Variants in MTMR3 observed in about 807,000 individuals in gnomAD.
MTMR3 encodes the protein phosphatidylinositol-3,5-bisphosphate 3-phosphatase MTMR3.
In MTMR3, 32 loss-of-function variants were observed where a neutral mutation model predicts 132.4. The ratio of observed to expected loss-of-function variants is 0.24; its 90% confidence interval spans 0.18 to 0.32. The LOEUF (loss-of-function observed/expected upper bound fraction) is 0.32. Ranked by LOEUF, MTMR3 falls within the 10% of genes least tolerant of loss-of-function variation. The pLI, the probability that MTMR3 is intolerant of heterozygous loss-of-function variation, is 1.00. For synonymous variants in MTMR3, 556 were observed against 550.3 expected (o/e 1.01, Z -0.14); for missense variants, 1,216 against 1,489.6 (o/e 0.82, Z 3.02).
intron 5 of MTMR3, chr22:29,979,752 C>T (rs2066703112): frequency 6.6e-6 from 1 of 152,440 alleles, no homozygotes; most frequent in Non-Finnish European, 1.5e-5. Flanking sequence ...AGATGAGATG[C>T]ACTTTGAGCT....
intron 1 of MTMR3, among the ~76,000 whole-genome samples, chr22:29,913,997 A>G (rs958230357): frequency 1.3e-5 from 2 of 151,990 alleles, no homozygotes; most frequent in African/African-American, 2.4e-5. Flanking sequence ...TGATCCGCCC[A>G]CCTCAACCTC....
rs548008800 is a variant in MTMR3 at position 29,935,115 on chromosome 22, A to C, written c.-137-21921A>C. On this transcript the variant is annotated intron_variant, in intron 1 of 19. Coordinates refer to ENST00000401950, the MANE Select transcript of MTMR3 (RefSeq NM_021090.4). ...TGTACATTAGTTTGTTCTTTGATAA[A>C]CCCATGAGATTGTTTTGTCAGGGGA... Among the ~76,000 whole-genome samples, 9 of 152,240 alleles carry C rather than the reference A, an allele frequency of 5.9e-5. 1 individual carries two copies. In the South Asian group the frequency reaches 1.9e-3, roughly 32 times the overall value.
chr22:29,925,033 AATTT>A (rs1569006845), intron 1 of MTMR3, among the ~76,000 whole-genome samples: 1 of 152,018 alleles, frequency 6.6e-6, no homozygotes, highest in Non-Finnish European at 1.5e-5. Context: ...TTCCCCTTTA[AATTT>A]ATTTTATTTT....
intron 7 of MTMR3, chr22:29,994,892 G>A (rs984645518): frequency 2.0e-5 from 3 of 152,236 alleles, no homozygotes; most frequent in African/African-American, 7.2e-5. Context: ...ACCTGCAGAA[G>A]CCTTTGCCAA....
Position 30,008,990 on chromosome 22 carries a change from G to C in MTMR3, c.1010-28G>C, listed in dbSNP as rs1385903322. The C allele has an allele frequency of 2.0e-6, 3 of 1,497,254 alleles. No individual in the cohort carries two copies. The East Asian group carries it at 6.8e-5, about 34-fold the overall frequency. 92.7% of individuals were successfully genotyped at this position (1,497,254 alleles called of 1,614,324 possible). On this transcript the variant is annotated intron_variant, in intron 11 of 19. Transcript: ENST00000401950. ...TGTGGGCTTTAAGTTCAACGTATTT[G>C]TGTTCTCTTTATTGTTACTCTCTCC...
chr22:29,942,519 C>T lies in MTMR3; in HGVS notation c.-137-14517C>T, dbSNP rs191913193. ...ACTGGTCTGACCAAAATTTATTAGGCGGGAATTTCCTCTTCCTAATAAGCC... is the reference window on the plus strand; with the variant it reads ...ACTGGTCTGACCAAAATTTATTAGGTGGGAATTTCCTCTTCCTAATAAGCC... On this transcript the variant is annotated intron_variant, in intron 1 of 19. Transcript: ENST00000401950. Among the ~76,000 whole-genome samples the T allele has an allele frequency of 4.5e-3, 686 of 152,210 alleles. 6 individuals carry two copies. The highest frequency in any genetic ancestry group is 0.015 in the African/African-American group (643 of 41,530).
At chr22:29,940,456 C>G (rs1351790916) in intron 1 of MTMR3, among the ~76,000 whole-genome samples, 2 of 150,004 alleles carry the variant, frequency 1.3e-5, no homozygotes, top group Non-Finnish European at 2.9e-5. Context: ...CCAGGTGAAA[C>G]AAACAGCCTT....
intron 1 of MTMR3, among the ~76,000 whole-genome samples, chr22:29,899,269 T>C (rs2064960992): frequency 6.6e-6 from 1 of 152,152 alleles, no homozygotes; most frequent in African/African-American, 2.4e-5. Flanking sequence ...CCCCTGCTGG[T>C]CTTGAACTCC....
chr22:29,913,725 G>GT (rs1569001650), intron 1 of MTMR3, among the ~76,000 whole-genome samples: 19 of 146,724 alleles, frequency 1.3e-4, no homozygotes, highest in South Asian at 6.9e-4. Context: ...TGGATATTGG[G>GT]GTTTTTTTTT....
intron 8 of MTMR3, chr22:30,002,085 A>G (rs983351425): frequency 2.0e-4 from 30 of 152,292 alleles, no homozygotes; most frequent in African/African-American, 5.8e-4. Flanking sequence ...CCAGAGAGAG[A>G]CATTGTCCTG....
chr22:29,899,059 T>C (rs1418067558), intron 1 of MTMR3, among the ~76,000 whole-genome samples: 2 of 152,200 alleles, frequency 1.3e-5, no homozygotes, highest in African/African-American at 4.8e-5. Context: ...TTTGTTTTAC[T>C]TGAGTTAATT....
In MTMR3 at chr22:29,973,718, G is replaced by A. The variant is rs372304547; in HGVS notation, c.3+2656G>A. On this transcript the variant is annotated intron_variant, in intron 3 of 19. Transcript: ENST00000401950. ...GGGTACAAGCGATTCTCCTGCCTCAGCCTCCTGAGTAGCTGAGATTACAGG... is the reference window on the plus strand; with the variant it reads ...GGGTACAAGCGATTCTCCTGCCTCAACCTCCTGAGTAGCTGAGATTACAGG... 1.2e-4 allele frequency among the ~76,000 whole-genome samples: 18 copies of A among 152,226 alleles called. No homozygotes were observed. In the East Asian group the frequency reaches 1.7e-3, roughly 15 times the overall value.
chr22:29,925,226 T>A (rs1264126356), intron 1 of MTMR3, among the ~76,000 whole-genome samples: 2 of 151,860 alleles, frequency 1.3e-5, no homozygotes, highest in South Asian at 4.2e-4. Flanking sequence ...AGAGATGGAG[T>A]CTGACTATGT....
intron 1 of MTMR3, among the ~76,000 whole-genome samples, chr22:29,889,969 C>T (rs1409926467): frequency 9.2e-5 from 13 of 140,642 alleles, no homozygotes; most frequent in Non-Finnish European, 1.5e-4. Flanking sequence ...TGCGGTGGTG[C>T]GATCTAGGCT....
At chr22:30,002,340 A>G (rs1411351596) in intron 8 of MTMR3, 3 of 152,674 alleles carry the variant, frequency 2.0e-5, no homozygotes, top group African/African-American at 4.8e-5. Flanking sequence ...CCTGTTACCT[A>G]TAAGGATGAC....
chr22:29,935,859 TCTC>T (rs2065739688), intron 1 of MTMR3, among the ~76,000 whole-genome samples: 1 of 151,710 alleles, frequency 6.6e-6, no homozygotes, highest in South Asian at 2.1e-4. Context: ...TTCACGCCAT[TCTC>T]CTGCCTCAGC....
intron 15 of MTMR3, 180 bp downstream of exon 15, chr22:30,016,878 T>A: frequency 1.4e-6 from 1 of 703,522 alleles, no homozygotes; most frequent in South Asian, 2.0e-5. Context: ...GATGGTGCTC[T>A]GATCTGTTTC....
chr22:30,025,833 C>T lies in MTMR3; in HGVS notation c.*32C>T. 1 of 1,611,242 alleles carries T rather than the reference C, an allele frequency of 6.2e-7. No homozygotes were observed. The highest frequency in any genetic ancestry group is 1.1e-5 in the South Asian group (1 of 90,988). Reference sequence around the variant, plus strand: ...GTGACCTGGGTGGGCAGTGGCCAAGCTGCTGTTCCTATGACAGGCCCACTC... The same window carrying T: ...GTGACCTGGGTGGGCAGTGGCCAAGTTGCTGTTCCTATGACAGGCCCACTC... On this transcript the variant is annotated 3_prime_UTR_variant, in exon 20 of 20. Transcript: ENST00000401950.
chr22:29,960,386 T>C (rs2066286568), intron 2 of MTMR3, among the ~76,000 whole-genome samples: 1 of 152,170 alleles, frequency 6.6e-6, no homozygotes, highest in African/African-American at 2.4e-5. Flanking sequence ...TCTTAGGAAA[T>C]ACATACTGAA....
Sources: gnomAD v4.1 joint callset for allele counts (sites outside exome capture counted in the v4.1 genomes callset) on GRCh38, gnomAD v4.1.1 for gene constraint, MANE v1.5 for transcripts, NCBI Gene and HGNC (gene_info 2026-07-23, HGNC 2026-07-21) for gene names.